Variants in SFI1 observed in about 807,000 individuals in gnomAD.
SFI1 encodes the protein SFI1 centrin binding protein.
Under a neutral mutation model 207.5 loss-of-function variants are expected in SFI1, and 195 were observed. That is an observed-to-expected ratio of 0.94 (90% confidence interval 0.84 to 1.06). The LOEUF (loss-of-function observed/expected upper bound fraction) is 1.06, where lower values mean the gene tolerates loss of function less well. SFI1 is among the 50% of genes least tolerant of loss of function. The probability of loss-of-function intolerance (pLI) is 0.00; values close to 1 mark genes in which losing one functional copy is unlikely to be tolerated. For missense variants in SFI1, 1,634 were observed against 1,588.0 expected (o/e 1.03, Z -0.49); for synonymous variants, 630 against 598.9 (o/e 1.05, Z -0.76).
intron 12 of SFI1, 76 bp from the exon 13 acceptor site, chr22:31,583,799 C>T (rs2064660881): frequency 1.5e-6 from 2 of 1,304,374 alleles, no homozygotes; most frequent in Admixed American, 1.7e-5. Flanking sequence ...GGGGAGCTCA[C>T]AGTCTGTTGG....
chr22:31,497,625 G>T (rs1258474624), intron 1 of SFI1, among the ~76,000 whole-genome samples: 2 of 152,118 alleles, frequency 1.3e-5, no homozygotes, highest in Non-Finnish European at 2.9e-5. Context: ...TCAGTGAAAG[G>T]AAGAGTTCCA....
chr22:31,554,767 C>T (rs370305707), intron 6 of SFI1, among the ~76,000 whole-genome samples: 15 of 152,064 alleles, frequency 9.9e-5, no homozygotes, highest in African/African-American at 2.7e-4. Flanking sequence ...CCACCACGCC[C>T]GGCTAATTTT....
chr22:31,503,089 T>G (rs1454621694), intron 1 of SFI1, among the ~76,000 whole-genome samples: 3 of 145,598 alleles, frequency 2.1e-5, no homozygotes, highest in Non-Finnish European at 4.5e-5. Flanking sequence ...AACTGAGAAA[T>G]TAGTTGGAAG....
rs58333559 is a variant in SFI1, at chr22:31,553,838, G to GTTTTTTTTTTTTTTTTTTTT, written c.545-3093_545-3074dup. ...ATTCTATTTTTTTTTAATGGATTAT[G>GTTTTTTTTTTTTTTTTTTTT]TTTTTTTTTTTTTTTTTTTTTTTTT... On this transcript the variant is annotated intron_variant, in intron 6 of 32. Coordinates refer to ENST00000400288, the MANE Select transcript of SFI1 (RefSeq NM_001007467.3). 1.5e-4 allele frequency among the ~76,000 whole-genome samples: 4 copies of GTTTTTTTTTTTTTTTTTTTT among 26,308 alleles called. 1 individual carries two copies. The highest frequency in any genetic ancestry group is 2.2e-4 in the Non-Finnish European group (3 of 13,778). 17.3% of individuals were successfully genotyped at this position (26,308 alleles called of 152,430 possible). A position where few individuals can be genotyped will look rare whatever the true frequency, so the allele number is the denominator to read the frequency against.
chr22:31,577,192 G>C (rs755619129), intron 10 of SFI1, among the ~76,000 whole-genome samples: 5 of 152,190 alleles, frequency 3.3e-5, no homozygotes, highest in African/African-American at 9.7e-5. Context: ...ATGAAGTCCT[G>C]TGAGAGCGAC....
Position 31,618,449 on chromosome 22 carries a change from C to T in SFI1, c.*31C>T, listed in dbSNP as rs1245238339. 5 of 1,509,426 alleles carry T rather than the reference C, an allele frequency of 3.3e-6. No individual in the cohort carries two copies. The highest frequency in any genetic ancestry group is 4.4e-6 in the Non-Finnish European group (5 of 1,127,052). The allele number at this position is 1,509,426 out of a possible 1,614,324, so 93.5% of individuals were successfully genotyped here. ...TCGCACCAGGAACGCAGGTGCTGGG[C>T]TGTCGGGGAGGCCTCAGGCCACCTC... On this transcript the variant is annotated 3_prime_UTR_variant, in exon 33 of 33. Transcript: ENST00000400288.
intron 12 of SFI1, among the ~76,000 whole-genome samples, chr22:31,583,495 G>T (rs2064622264): frequency 6.6e-6 from 1 of 152,110 alleles, no homozygotes; most frequent in Non-Finnish European, 1.5e-5. Flanking sequence ...AGTCTACATG[G>T]TTCCTATAAT....
chr22:31,581,269 G>A (rs914433322), intron 12 of SFI1, among the ~76,000 whole-genome samples: 4 of 145,686 alleles, frequency 2.7e-5, no homozygotes, highest in African/African-American at 7.6e-5. Flanking sequence ...GTGAGCCACC[G>A]CACCTGGCCC....
At chr22:31,554,369 C>T (rs2060951015) in intron 6 of SFI1, among the ~76,000 whole-genome samples, 1 of 151,884 alleles carries the variant, frequency 6.6e-6, no homozygotes, top group African/African-American at 2.4e-5. Context: ...AGTGCAGTGG[C>T]ACGATCTCGG....
intron 5 of SFI1, among the ~76,000 whole-genome samples, chr22:31,549,230 C>T (rs1602522610): frequency 8.0e-6 from 1 of 125,198 alleles, no homozygotes; most frequent in African/African-American, 3.1e-5. Context: ...CTCAAGGCTA[C>T]AGTGAGCCAT....
chr22:31,607,900 T>C, intron 21 of SFI1, 37 bp from the exon 22 acceptor site: 1 of 1,590,638 alleles, frequency 6.3e-7, no homozygotes, highest in South Asian at 1.1e-5. Context: ...AGCCAGGAGG[T>C]ATAGTGACTC....
rs1569447425 is a variant in SFI1, at chr22:31,603,777, C to T, written c.1839C>T (p.His613=). The change falls in exon 18 of 33, where the codon CAC becomes CAT. Residue 613 remains histidine, a synonymous_variant. Transcript: ENST00000400288. ...RTGRVRAAEF[H]MAQLLRWAWS... is the part of the protein sequence containing the mutation. ...GCAGGGTGCGGGCAGCAGAATTCCA[C>T]ATGGCCCAGCTCCTGCGTTGGGCCT... 2.6e-6 allele frequency: 4 copies of T among 1,548,870 alleles called. No homozygotes were observed. Among genetic ancestry groups the T allele is most frequent in the Non-Finnish European group, 1.7e-6 (2 of 1,160,160 alleles).
chr22:31,537,747 T>C (rs1480403611), intron 4 of SFI1, among the ~76,000 whole-genome samples: 4 of 152,318 alleles, frequency 2.6e-5, no homozygotes, highest in Admixed American at 1.3e-4. Context: ...GGGATAGTTA[T>C]TTTCTAATAT....
intron 2 of SFI1, among the ~76,000 whole-genome samples, chr22:31,520,825 G>A (rs887896898): frequency 1.8e-4 from 27 of 149,276 alleles, no homozygotes; most frequent in African/African-American, 6.2e-4. Context: ...GTAAGACCCC[G>A]TCTCTACAAA....
intron 4 of SFI1, among the ~76,000 whole-genome samples, chr22:31,542,297 G>GTA (rs2059622208): frequency 6.6e-6 from 1 of 151,380 alleles, no homozygotes; most frequent in Admixed American, 6.6e-5. Flanking sequence ...GTGTGTGTGT[G>GTA]TATATTTGAT....
intron 2 of SFI1, among the ~76,000 whole-genome samples, chr22:31,510,084 C>T (rs2055266172): frequency 6.6e-6 from 1 of 152,094 alleles, no homozygotes; most frequent in African/African-American, 2.4e-5. Flanking sequence ...CCCACCTCTG[C>T]CTGCCAAAGT....
intron 14 of SFI1, among the ~76,000 whole-genome samples, chr22:31,588,129 C>T (rs2065284401): frequency 6.6e-6 from 1 of 152,198 alleles, no homozygotes; most frequent in African/African-American, 2.4e-5. Flanking sequence ...CAAGATCAGC[C>T]TCAACTGAAA....
rs1602404069 is a variant in SFI1 at position 31,542,498 on chromosome 22, T to C, written c.339-4363T>C. Among the ~76,000 whole-genome samples, 3 of 151,614 alleles carry C rather than the reference T, an allele frequency of 2.0e-5. No homozygotes were observed. In the East Asian group the frequency reaches 5.9e-4, roughly 30 times the overall value. ...CAAAAATTAGCTGGGCATGGTGGTG[T>C]ATGTCTGTAATCCCAGCTACATGGG... On this transcript the variant is annotated intron_variant, in intron 4 of 32. Coordinates refer to ENST00000400288, the MANE Select transcript of SFI1 (RefSeq NM_001007467.3).
chr22:31,525,762 A>ATAGG (rs1291110169), intron 2 of SFI1, among the ~76,000 whole-genome samples: 1 of 124,388 alleles, frequency 8.0e-6, no homozygotes, highest in African/African-American at 2.8e-5. Context: ...AGATAGATAG[A>ATAGG]TAGATAAAGT....
Sources: allele counts gnomAD v4.1 joint callset (sites outside exome capture counted in the v4.1 genomes callset), GRCh38; gene constraint gnomAD v4.1.1; transcripts MANE v1.5; gene names NCBI Gene and HGNC (gene_info 2026-07-23, HGNC 2026-07-21).